Variants in C2orf49 observed in about 807,000 individuals in gnomAD.
The protein encoded by C2orf49 is tRNA splicing ligase complex subunit 2, also known as tRNA-splicing ligase complex subunit ASW.
Under a neutral mutation model 20.6 loss-of-function variants are expected in C2orf49, and 11 were observed. The ratio of observed to expected loss-of-function variants is 0.53; its 90% CI spans 0.34 to 0.88. The LOEUF is 0.88. C2orf49 is among the 40% of genes least tolerant of loss of function. The pLI, the probability that C2orf49 is intolerant of heterozygous loss-of-function variation, is 0.02. For missense variants in C2orf49, 289 were observed against 274.2 expected (o/e 1.05, Z -0.38); for synonymous variants, 134 against 108.5 (o/e 1.24, Z -1.46).
chr2:105,340,906 G>GGAGT (rs1352505985), intron 2 of C2orf49, among the ~76,000 whole-genome samples: 1 of 152,154 alleles, frequency 6.6e-6, no homozygotes. Flanking sequence ...GGGGTAAAGG[G>GGAGT]GAGTATGTTC....
At chr2:105,352,429 G>GTT (rs61585149), downstream of C2orf49, among the ~76,000 whole-genome samples, 17,399 of 80,308 alleles carry the variant, frequency 0.22, 2,007 homozygotes, top group African/African-American at 0.3. Flanking sequence ...GTTTGTTTGG[G>GTT]TTTTTTTTTT....
At chr2:105,358,768 T>C in the C2orf49 span, 1 of 152,228 alleles carries the variant, frequency 6.6e-6, no homozygotes, top group African/African-American at 2.4e-5. Flanking sequence ...TAAAGTCCTG[T>C]CAGTCAATGC....
downstream of C2orf49, among the ~76,000 whole-genome samples, chr2:105,354,174 A>C (rs2104463649): frequency 6.6e-6 from 1 of 152,354 alleles, no homozygotes; most frequent in East Asian, 1.9e-4. Flanking sequence ...GCTTTCACTA[A>C]GGGCAATATT....
At chr2:105,363,273 C>A in the C2orf49 span, 590,984 of 1,611,904 alleles carry the variant, frequency 0.37, 111,765 homozygotes, top group Non-Finnish European at 0.39. Context: ...ATGGGAACCC[C>A]GGGACACTCA....
chr2:105,369,652 G>A, the C2orf49 span, among the ~76,000 whole-genome samples: 2 of 152,222 alleles, frequency 1.3e-5, no homozygotes, highest in Admixed American at 6.5e-5. Context: ...AGTAAAAATA[G>A]TGGAAGGACT....
intron 2 of C2orf49, among the ~76,000 whole-genome samples, chr2:105,340,958 A>T (rs112360835): frequency 1.9e-3 from 293 of 152,364 alleles, no homozygotes; most frequent in Middle Eastern, 0.014. Flanking sequence ...AAATTTAATG[A>T]TTGAGATTAT....
chr2:105,351,723 G>A (rs952688012), downstream of C2orf49, among the ~76,000 whole-genome samples: 10 of 152,142 alleles, frequency 6.6e-5, no homozygotes, highest in Admixed American at 1.3e-4. Context: ...TGCTCAAGCC[G>A]TAGAATGAGC....
chr2:105,372,898 G>C, the C2orf49 span, among the ~76,000 whole-genome samples: 6 of 152,126 alleles, frequency 3.9e-5, no homozygotes, highest in African/African-American at 9.7e-5. Context: ...TGTCCACTTT[G>C]CTTTTTAAAA....
the C2orf49 span, among the ~76,000 whole-genome samples, chr2:105,379,045 C>T: frequency 1.3e-5 from 2 of 152,258 alleles, no homozygotes; most frequent in South Asian, 4.1e-4. Context: ...ATCCCAGGAG[C>T]ACGTGATTAA....
At chr2:105,359,556 C>CA in the C2orf49 span, 2 of 152,126 alleles carry the variant, frequency 1.3e-5, no homozygotes, top group African/African-American at 4.8e-5. Flanking sequence ...AAACTAAGGA[C>CA]AAAAAGGTCA....
the C2orf49 span, chr2:105,363,482 G>T: frequency 6.3e-7 from 1 of 1,596,326 alleles, no homozygotes; most frequent in East Asian, 2.3e-5. Flanking sequence ...CTGCAGGGAC[G>T]AGGGGGAGAG....
At chr2:105,363,800 G>A in the C2orf49 span, among the ~76,000 whole-genome samples, 7 of 152,132 alleles carry the variant, frequency 4.6e-5, no homozygotes, top group African/African-American at 7.2e-5. Flanking sequence ...TGGAGGGGTC[G>A]GGATTCAATA....
At chr2:105,367,238 A>C in the C2orf49 span, among the ~76,000 whole-genome samples, 2 of 151,576 alleles carry the variant, frequency 1.3e-5, no homozygotes, top group African/African-American at 4.9e-5. Context: ...TGTTTTATTC[A>C]TGGAGAGAAG....
rs960566118 is a variant in C2orf49, at chr2:105,339,517, G to A, written c.100-66G>A. 17 of 1,441,372 alleles carry A rather than the reference G, an allele frequency of 1.2e-5. No individual in the cohort carries two copies. The African/African-American group carries it at 1.5e-4, about 12-fold the overall frequency. 89.3% of individuals were successfully genotyped at this position (1,441,372 alleles called of 1,614,324 possible). On this transcript the variant is annotated intron_variant, in intron 1 of 3. Coordinates refer to ENST00000258457, the MANE Select transcript of C2orf49 (RefSeq NM_024093.3). ...AAGCAGTAATGTTTTACCATGTTAG[G>A]TAAGGTGGTTACTTGTTAAAATTAA...
At chr2:105,354,827 G>A in the C2orf49 span, among the ~76,000 whole-genome samples, 2 of 152,210 alleles carry the variant, frequency 1.3e-5, no homozygotes, top group African/African-American at 4.8e-5. Flanking sequence ...ATTGTAGAAT[G>A]TGTAACAAAG....
Position 105,337,609 on chromosome 2 carries a change from C to A in C2orf49, c.22C>A (p.Arg8Ser), listed in dbSNP as rs1411159466. Reference sequence around the variant, plus strand: ...GACCATGGCGGGGGATGTGGGCGGTCGCAGCTGCACGGACTCGGAACTGCT... The same window carrying A: ...GACCATGGCGGGGGATGTGGGCGGTAGCAGCTGCACGGACTCGGAACTGCT... MAGDVGG[R>S]SCTDSELLLH... The change falls in exon 1 of 4, where the codon CGC becomes AGC. Residue 8 changes from arginine (R) to serine (S), a missense_variant. Physicochemically the swap from Arg to Ser is moderately radical, Grantham distance 110 (BLOSUM62 -1). Coordinates refer to ENST00000258457, the MANE Select transcript of C2orf49 (RefSeq NM_024093.3). The A allele has an allele frequency of 1.2e-6, 2 of 1,612,556 alleles. No homozygotes were observed. The highest frequency in any genetic ancestry group is 2.7e-5 in the African/African-American group (2 of 74,806).
the C2orf49 span, chr2:105,377,720 G>A: frequency 2.3e-5 from 5 of 220,580 alleles, no homozygotes; most frequent in Admixed American, 1.1e-4. Context: ...CTGTGCAGGC[G>A]AGCCACCTCA....
In C2orf49 at chr2:105,346,894, G is replaced by A. The variant is rs1027268935; in HGVS notation, c.*1523G>A. The A allele has an allele frequency of 4.6e-5, 7 of 152,198 alleles. No individual in the cohort carries two copies. The highest frequency in any genetic ancestry group is 1.2e-4 in the African/African-American group (5 of 41,444). The allele number at this position is 152,198 out of a possible 1,614,324, so 9.4% of individuals were successfully genotyped here. A position where few individuals can be genotyped will look rare whatever the true frequency, so the allele number is the denominator to read the frequency against. ...ATATTCATGAGTTCTAGTTTCTACT[G>A]TTCTGCTATGTGTTTCTAAGCAAGA... On this transcript the variant is annotated 3_prime_UTR_variant, in exon 4 of 4. Coordinates refer to ENST00000258457, the MANE Select transcript of C2orf49 (RefSeq NM_024093.3).
the C2orf49 span, among the ~76,000 whole-genome samples, chr2:105,355,654 A>T: frequency 4.6e-5 from 7 of 152,352 alleles, no homozygotes; most frequent in East Asian, 9.7e-4. Flanking sequence ...AGTGTACTCA[A>T]GTGCACTCAA....
Sources: gnomAD v4.1 joint callset for allele counts (sites outside exome capture counted in the v4.1 genomes callset) on GRCh38, gnomAD v4.1.1 for gene constraint, MANE v1.5 for transcripts, NCBI Gene and HGNC (gene_info 2026-07-23, HGNC 2026-07-21) for gene names.